ELAPOR2: variants seen among roughly 807,000 people sequenced by gnomAD.
ELAPOR2 encodes the protein endosome/lysosome-associated apoptosis and autophagy regulator family member 2.
In ELAPOR2, 89 loss-of-function variants were observed where a neutral mutation model predicts 120.7. The observed-to-expected ratio is 0.74, with a 90% CI of 0.62 to 0.88. The LOEUF is 0.88. ELAPOR2 is among the 40% of genes least tolerant of loss of function. The probability of loss-of-function intolerance (pLI) is 0.00; values close to 1 mark genes in which losing one functional copy is unlikely to be tolerated. For missense variants in ELAPOR2, 1,134 were observed against 1,251.6 expected (o/e 0.91, Z 1.42); for synonymous variants, 444 against 444.9 (o/e 1.00, Z 0.03).
chr7:86,964,802 T>C (rs1327977902), intron 2 of ELAPOR2, 102 bp downstream of exon 2: 1 of 1,298,848 alleles, frequency 7.7e-7, no homozygotes, highest in Non-Finnish European at 1.1e-6. Flanking sequence ...ATATGCTCAT[T>C]TTTGTAAGGT....
intron 21 of ELAPOR2, among the ~76,000 whole-genome samples, chr7:86,883,178 T>C (rs1799504719): frequency 6.6e-6 from 1 of 152,000 alleles, no homozygotes. Context: ...TAAATGGTAG[T>C]GAAATAAATA....
intron 18 of ELAPOR2, among the ~76,000 whole-genome samples, chr7:86,903,860 A>G (rs1436365020): frequency 1.3e-5 from 2 of 152,244 alleles, no homozygotes; most frequent in Non-Finnish European, 2.9e-5. Flanking sequence ...GGTGGCATCA[A>G]TAAAGACCCT....
At chr7:87,008,350 G>A (rs1050430434) in intron 1 of ELAPOR2, among the ~76,000 whole-genome samples, 2 of 152,154 alleles carry the variant, frequency 1.3e-5, no homozygotes, top group Non-Finnish European at 2.9e-5. Context: ...AGGCTAAAGA[G>A]ACATGATAAA....
chr7:86,914,634 C>T (rs536177631), intron 13 of ELAPOR2, 89 bp downstream of exon 13: 6 of 1,108,308 alleles, frequency 5.4e-6, no homozygotes, highest in Admixed American at 5.4e-5. Context: ...GTCCTTTCTT[C>T]CAAATTTGAG....
intron 1 of ELAPOR2, among the ~76,000 whole-genome samples, chr7:87,046,793 T>C (rs534780963): frequency 6.6e-6 from 1 of 152,222 alleles, no homozygotes; most frequent in Non-Finnish European, 1.5e-5. Flanking sequence ...TGCAGCCATG[T>C]GGAGCTGTGA....
At chr7:86,933,228 A>G (rs1790409679) in intron 8 of ELAPOR2, among the ~76,000 whole-genome samples, 1 of 151,936 alleles carries the variant, frequency 6.6e-6, no homozygotes, top group African/African-American at 2.4e-5. Context: ...CCACTTAACC[A>G]TATCATTTAG....
chr7:86,971,886 A>T (rs1792118766), intron 1 of ELAPOR2, among the ~76,000 whole-genome samples: 1 of 152,144 alleles, frequency 6.6e-6, no homozygotes, highest in Admixed American at 6.5e-5. Context: ...AAACAGAAAG[A>T]CTGGTTGAAA....
At chr7:86,895,925 C>T (rs1157627349) in intron 19 of ELAPOR2, among the ~76,000 whole-genome samples, 2 of 152,026 alleles carry the variant, frequency 1.3e-5, no homozygotes, top group Admixed American at 6.6e-5. Context: ...GTAGAAAAAG[C>T]ATTATCATTA....
chr7:86,946,159 T>TCACACA (rs3223108), intron 3 of ELAPOR2, among the ~76,000 whole-genome samples: 5,837 of 146,340 alleles, frequency 0.04, 276 homozygotes, highest in African/African-American at 0.12. Context: ...ATACCATTTC[T>TCACACA]CACACACACA....
chr7:86,906,676 A>G (rs184947289), intron 18 of ELAPOR2, among the ~76,000 whole-genome samples: 30 of 152,006 alleles, frequency 2.0e-4, no homozygotes, highest in African/African-American at 5.1e-4. Flanking sequence ...TTTGATAGAG[A>G]AAAAAAATCT....
chr7:87,037,443 G>A (rs1794622561), intron 1 of ELAPOR2, among the ~76,000 whole-genome samples: 2 of 151,774 alleles, frequency 1.3e-5, no homozygotes, highest in South Asian at 4.2e-4. Flanking sequence ...ATAAGTCATG[G>A]TAGACTGAAA....
At chr7:87,011,022 C>T (rs1166217722) in intron 1 of ELAPOR2, among the ~76,000 whole-genome samples, 1 of 152,026 alleles carries the variant, frequency 6.6e-6, no homozygotes, top group Non-Finnish European at 1.5e-5. Context: ...AATCCCAGCA[C>T]TTTGGGAGGC....
At chr7:86,963,865 C>T (rs1218933217) in intron 2 of ELAPOR2, among the ~76,000 whole-genome samples, 1 of 152,202 alleles carries the variant, frequency 6.6e-6, no homozygotes, top group South Asian at 2.1e-4. Context: ...TACACTGAAG[C>T]TTTCACCTGC....
At chr7:87,052,875 C>A (rs1427870584) in intron 1 of ELAPOR2, among the ~76,000 whole-genome samples, 1 of 152,128 alleles carries the variant, frequency 6.6e-6, no homozygotes, top group Admixed American at 6.6e-5. Context: ...CAGCTCCCTG[C>A]AGCCTCAACC....
At chr7:86,911,495 C>G (rs1789306756) in intron 15 of ELAPOR2, 3 of 397,124 alleles carry the variant, frequency 7.6e-6, no homozygotes, top group African/African-American at 6.3e-5. Context: ...CTTCCCAACC[C>G]TAACCTCATA....
intron 1 of ELAPOR2, among the ~76,000 whole-genome samples, chr7:87,055,148 G>C (rs1370637824): frequency 6.6e-6 from 1 of 152,070 alleles, no homozygotes; most frequent in East Asian, 1.9e-4. Flanking sequence ...GAGGAACAGG[G>C]CCTAATAATA....
intron 1 of ELAPOR2, among the ~76,000 whole-genome samples, chr7:87,042,202 T>G (rs1260077158): frequency 1.3e-5 from 2 of 150,804 alleles, no homozygotes; most frequent in African/African-American, 2.5e-5. Context: ...GACAGATCAA[T>G]GAGACAGAAA....
chr7:87,039,811 G>A (rs562212668), intron 1 of ELAPOR2, among the ~76,000 whole-genome samples: 21 of 152,324 alleles, frequency 1.4e-4, no homozygotes, highest in African/African-American at 4.3e-4. Context: ...AGCTCCCAGC[G>A]TGAGCGACGC....
At chr7:86,944,035 A>G (rs1015453785) in intron 4 of ELAPOR2, among the ~76,000 whole-genome samples, 1 of 152,042 alleles carries the variant, frequency 6.6e-6, no homozygotes, top group Non-Finnish European at 1.5e-5. Context: ...TTGCTACCAA[A>G]CTTCTGATTT....
Sources: allele counts gnomAD v4.1 joint callset (sites outside exome capture counted in the v4.1 genomes callset), GRCh38; gene constraint gnomAD v4.1.1; transcripts MANE v1.5; gene names NCBI Gene and HGNC (gene_info 2026-07-23, HGNC 2026-07-21).